The following ABCG2 variants were observed in gnomAD, a reference collection of about 807,000 sequenced individuals.
ABCG2 encodes the protein ATP binding cassette subfamily G member 2 (JR blood group).
In ABCG2, 80 loss-of-function variants were observed where a neutral mutation model predicts 73.5. The observed-to-expected ratio is 1.09, with a 90% CI of 0.91 to 1.31. The LOEUF is 1.31. ABCG2 is among the 50% of genes most tolerant of loss of function. The pLI is 0.00. For missense variants in ABCG2, 796 were observed against 786.2 expected (o/e 1.01, Z -0.15); for synonymous variants, 269 against 282.4 (o/e 0.95, Z 0.48).
intron 1 of ABCG2, among the ~76,000 whole-genome samples, chr4:88,215,711 C>T (rs997790194): frequency 5.3e-5 from 8 of 152,192 alleles, no homozygotes; most frequent in African/African-American, 1.7e-4. Flanking sequence ...GAATAGTAAT[C>T]GAACTGCTTT....
chr4:88,186,845 G>C (rs888987132), intron 1 of ABCG2, among the ~76,000 whole-genome samples: 5 of 144,524 alleles, frequency 3.5e-5, no homozygotes, highest in African/African-American at 1.3e-4. Context: ...CGTGAACCCG[G>C]GAGGCAGAGC....
intron 1 of ABCG2, among the ~76,000 whole-genome samples, chr4:88,168,766 G>A (rs1396412323): frequency 2.6e-5 from 4 of 151,878 alleles, no homozygotes; most frequent in African/African-American, 9.7e-5. Flanking sequence ...ACTAAATTTT[G>A]TAGGGAAGTA....
chr4:88,102,694 C>T (rs1178381440), intron 10 of ABCG2, among the ~76,000 whole-genome samples: 1 of 151,930 alleles, frequency 6.6e-6, no homozygotes, highest in African/African-American at 2.4e-5. Flanking sequence ...ATGCCAACAT[C>T]CCTGAAACAC....
chr4:88,194,232 A>C (rs1245386818), intron 1 of ABCG2, among the ~76,000 whole-genome samples: 1 of 152,098 alleles, frequency 6.6e-6, no homozygotes, highest in African/African-American at 2.4e-5. Context: ...TGGAAGTCGC[A>C]TATGGCAAAG....
At chr4:88,164,184 A>G (rs1328078884), upstream of ABCG2, among the ~76,000 whole-genome samples, 2 of 152,064 alleles carry the variant, frequency 1.3e-5, no homozygotes, top group African/African-American at 2.4e-5. Context: ...CTACTGCCTC[A>G]GCCTCCTGAG....
At chr4:88,203,517 T>A (rs1206318574) in intron 1 of ABCG2, among the ~76,000 whole-genome samples, 1 of 152,084 alleles carries the variant, frequency 6.6e-6, no homozygotes, top group Non-Finnish European at 1.5e-5. Flanking sequence ...ATGCCTTTAA[T>A]CCCCGCAGTT....
At chr4:88,139,298 C>T (rs984211564) in intron 2 of ABCG2, among the ~76,000 whole-genome samples, 1 of 152,086 alleles carries the variant, frequency 6.6e-6, no homozygotes, top group African/African-American at 2.4e-5. Flanking sequence ...CACTTTGCCA[C>T]CTATTTGTAC....
At chr4:88,212,077 G>A (rs1463292808) in intron 1 of ABCG2, among the ~76,000 whole-genome samples, 1 of 152,116 alleles carries the variant, frequency 6.6e-6, no homozygotes, top group African/African-American at 2.4e-5. Flanking sequence ...ATTAGTAGTG[G>A]CCTCTTCCTC....
chr4:88,143,022 CATT>C (rs1399968659), intron 1 of ABCG2, among the ~76,000 whole-genome samples: 1 of 152,082 alleles, frequency 6.6e-6, no homozygotes, highest in Non-Finnish European at 1.5e-5. Flanking sequence ...ATTTTTTCAT[CATT>C]ATTTCCTATA....
chr4:88,160,090 A>C (rs993594956), upstream of ABCG2, among the ~76,000 whole-genome samples: 5 of 151,974 alleles, frequency 3.3e-5, no homozygotes, highest in Admixed American at 6.6e-5. Context: ...TAAAAATACA[A>C]AAGTTAGCTG....
At chr4:88,149,806 G>A (rs536046792) in intron 1 of ABCG2, among the ~76,000 whole-genome samples, 21 of 152,016 alleles carry the variant, frequency 1.4e-4, no homozygotes, top group African/African-American at 3.9e-4. Flanking sequence ...AGCTGAGCTC[G>A]CACCATTGCA....
intron 9 of ABCG2, among the ~76,000 whole-genome samples, chr4:88,111,689 T>C (rs1723143034): frequency 6.6e-6 from 1 of 152,146 alleles, no homozygotes; most frequent in African/African-American, 2.4e-5. Flanking sequence ...AGAAACTCAA[T>C]ATTGTTAATA....
chr4:88,195,498 G>C (rs1047963436), intron 1 of ABCG2, among the ~76,000 whole-genome samples: 2 of 152,102 alleles, frequency 1.3e-5, no homozygotes, highest in African/African-American at 4.8e-5. Context: ...AATCCACACA[G>C]GTCTGCAGCA....
chr4:88,108,359 T>TG (rs1553932494), intron 9 of ABCG2, among the ~76,000 whole-genome samples: 15 of 149,370 alleles, frequency 1.0e-4, no homozygotes, highest in South Asian at 4.3e-4. Context: ...CCGTCTCTAC[T>TG]AAAAAAAAAC....
At chr4:88,210,679 A>G (rs948316035) in intron 1 of ABCG2, among the ~76,000 whole-genome samples, 3 of 151,410 alleles carry the variant, frequency 2.0e-5, no homozygotes, top group African/African-American at 4.9e-5. Flanking sequence ...TGCAGCCTCA[A>G]ACTCCTAGGT....
chr4:88,132,107 C>T (rs1478225608), intron 3 of ABCG2, among the ~76,000 whole-genome samples, 190 bp from the exon 4 acceptor site: 1 of 152,136 alleles, frequency 6.6e-6, no homozygotes, highest in Non-Finnish European at 1.5e-5. Context: ...AAAATTCTCA[C>T]CTTTCTCTTT....
chr4:88,213,927 C>T (rs1729700246), intron 1 of ABCG2, among the ~76,000 whole-genome samples: 1 of 150,376 alleles, frequency 6.6e-6, no homozygotes, highest in African/African-American at 2.5e-5. Flanking sequence ...GTGATCTGTG[C>T]CCACTTCAGC....
At chr4:88,204,496 T>C (rs1290361889) in intron 1 of ABCG2, among the ~76,000 whole-genome samples, 1 of 152,152 alleles carries the variant, frequency 6.6e-6, no homozygotes, top group Non-Finnish European at 1.5e-5. Flanking sequence ...ATATTGATGA[T>C]ATATGTTTAG....
intron 12 of ABCG2, among the ~76,000 whole-genome samples, chr4:88,098,746 G>C (rs2110181600): frequency 6.6e-6 from 1 of 152,082 alleles, no homozygotes; most frequent in Non-Finnish European, 1.5e-5. Flanking sequence ...TAGTCTCAAA[G>C]TTTTATAAAT....
Sources: gnomAD v4.1 joint callset for allele counts (sites outside exome capture counted in the v4.1 genomes callset) on GRCh38, gnomAD v4.1.1 for gene constraint, MANE v1.5 for transcripts, NCBI Gene and HGNC (gene_info 2026-07-23, HGNC 2026-07-21) for gene names.